Variants in FHIT observed in about 807,000 individuals in gnomAD.
FHIT encodes bis(5'-adenosyl)-triphosphatase.
Under a neutral mutation model 17.9 loss-of-function variants are expected in FHIT, and 19 were observed. That is an observed-to-expected ratio of 1.06 (90% CI 0.74 to 1.56). FHIT has a LOEUF of 1.56. FHIT is among the 40% of genes most tolerant of loss of function. The pLI is 0.00. For missense variants in FHIT, 248 were observed against 189.2 expected, an observed-to-expected ratio of 1.31 and a Z score of -1.82; for synonymous variants, 81 against 69.7, an observed-to-expected ratio of 1.16 and a Z score of -0.81.
intron 8 of FHIT, among the ~76,000 whole-genome samples, chr3:59,824,226 G>C (rs754164415): frequency 6.6e-6 from 1 of 152,182 alleles, no homozygotes; most frequent in Non-Finnish European, 1.5e-5. Flanking sequence ...AAGAAGGTTG[G>C]AGGAGGGGTA....
intron 4 of FHIT, among the ~76,000 whole-genome samples, chr3:60,691,026 T>C (rs1553699473): frequency 6.6e-6 from 1 of 152,234 alleles, no homozygotes; most frequent in African/African-American, 2.4e-5. Context: ...GGATTTTTTT[T>C]ACTTTATTCT....
intron 4 of FHIT, among the ~76,000 whole-genome samples, chr3:60,812,722 G>A (rs562960523): frequency 6.6e-6 from 1 of 152,200 alleles, no homozygotes; most frequent in South Asian, 2.1e-4. Context: ...AAATAGCACT[G>A]TAGTTCCTCA....
intron 4 of FHIT, among the ~76,000 whole-genome samples, chr3:60,808,125 G>T (rs1363846651): frequency 1.3e-5 from 2 of 152,204 alleles, no homozygotes; most frequent in Non-Finnish European, 2.9e-5. Flanking sequence ...GTAATTTTCT[G>T]AGCCAGAGTT....
At chr3:60,805,093 T>C (rs566870209) in intron 4 of FHIT, among the ~76,000 whole-genome samples, 14 of 152,360 alleles carry the variant, frequency 9.2e-5, no homozygotes, top group African/African-American at 2.9e-4. Flanking sequence ...ATACTATGGT[T>C]ATGCTGGGCA....
intron 8 of FHIT, among the ~76,000 whole-genome samples, chr3:59,813,366 A>C (rs542326863): frequency 6.6e-6 from 1 of 152,220 alleles, no homozygotes; most frequent in Non-Finnish European, 1.5e-5. Flanking sequence ...GGCTCTCGAT[A>C]AGGTTCGCCT....
intron 4 of FHIT, among the ~76,000 whole-genome samples, chr3:60,815,179 T>C (rs967873940): frequency 6.6e-6 from 1 of 152,074 alleles, no homozygotes; most frequent in African/African-American, 2.4e-5. Context: ...ATATTTTCTG[T>C]CATCCTGTAG....
intron 5 of FHIT, among the ~76,000 whole-genome samples, chr3:60,422,247 T>A (rs1051195666): frequency 6.6e-6 from 1 of 152,102 alleles, no homozygotes; most frequent in African/African-American, 2.4e-5. Context: ...TTCCAAAGAT[T>A]TGCACACAGA....
At chr3:60,569,755 A>ATACATATATATATATATATATTTT in intron 4 of FHIT, among the ~76,000 whole-genome samples, 1 of 77,344 alleles carries the variant, frequency 1.3e-5, no homozygotes, top group Non-Finnish European at 2.3e-5. Flanking sequence ...ATATATATAT[A>ATACATATATATATATATATATTTT]TTTTTTTTTT....
chr3:59,878,839 AAC>A (rs1168802130), intron 8 of FHIT, among the ~76,000 whole-genome samples: 1 of 152,170 alleles, frequency 6.6e-6, no homozygotes. Flanking sequence ...GAAACACCCA[AAC>A]CCCATCCCCA....
At chr3:60,518,337 T>G (rs1339052504) in intron 5 of FHIT, among the ~76,000 whole-genome samples, 1 of 152,208 alleles carries the variant, frequency 6.6e-6, no homozygotes, top group African/African-American at 2.4e-5. Flanking sequence ...CCTTCATAGG[T>G]AACTTATTGA....
In FHIT at chr3:59,987,863, A is replaced by AGTAT. The variant is rs1575827311; in HGVS notation, c.279+23507_279+23508insATAC. ...TACTAGAGATGTCTGCCCCATCTAA[A>AGTAT]GTCTTATTTTTCTATTTCCTATATC... On this transcript the variant is annotated intron_variant, in intron 7 of 9. Coordinates refer to ENST00000492590, the MANE Select transcript of FHIT (RefSeq NM_002012.4). Among the ~76,000 whole-genome samples, 3 of 152,184 alleles carry AGTAT rather than the reference A, an allele frequency of 2.0e-5. No individual in the cohort carries two copies. The East Asian group carries it at 5.8e-4, about 29-fold the overall frequency.
chr3:60,705,233 T>C (rs543865146), intron 4 of FHIT, among the ~76,000 whole-genome samples: 1 of 152,038 alleles, frequency 6.6e-6, no homozygotes, highest in Admixed American at 6.6e-5. Context: ...AAATCCATAA[T>C]GGAAGCAGGA....
chr3:59,867,231 A>G (rs1395412636), intron 8 of FHIT, among the ~76,000 whole-genome samples: 1 of 150,438 alleles, frequency 6.6e-6, no homozygotes, highest in Non-Finnish European at 1.5e-5. Context: ...AAGATCACCG[A>G]CATTCTCTTT....
At chr3:60,831,515 T>G (rs553633546) in intron 3 of FHIT, among the ~76,000 whole-genome samples, 14 of 152,134 alleles carry the variant, frequency 9.2e-5, no homozygotes, top group South Asian at 8.3e-4. Flanking sequence ...ACCAATTAGA[T>G]AGCAAAATGG....
intron 3 of FHIT, among the ~76,000 whole-genome samples, chr3:60,919,294 C>T (rs1262275456): frequency 1.3e-5 from 2 of 152,062 alleles, no homozygotes; most frequent in Non-Finnish European, 2.9e-5. Flanking sequence ...TGGCAATCTT[C>T]AATTCCATTA....
At chr3:59,982,486 A>C (rs113901055) in intron 7 of FHIT, among the ~76,000 whole-genome samples, 56 of 152,318 alleles carry the variant, frequency 3.7e-4, no homozygotes, top group African/African-American at 1.3e-3. Context: ...CCTAAAGTGA[A>C]GTATATTATC....
At chr3:60,066,063 A>ACATG (rs372953462) in intron 5 of FHIT, among the ~76,000 whole-genome samples, 48 of 152,298 alleles carry the variant, frequency 3.2e-4, no homozygotes, top group Admixed American at 1.1e-3. Context: ...GGTTTCTGTT[A>ACATG]CATGCAGCTG....
chr3:60,000,700 A>T (rs187987149), intron 7 of FHIT, among the ~76,000 whole-genome samples: 195 of 151,902 alleles, frequency 1.3e-3, no homozygotes, highest in African/African-American at 4.5e-3. Flanking sequence ...AAAAAAAACA[A>T]TTTAGGAAAC....
intron 4 of FHIT, chr3:60,732,501 A>C: frequency 1.5e-6 from 1 of 674,666 alleles, no homozygotes. Flanking sequence ...TCACACCCAA[A>C]TCCTTTCTTT....
Sources: gnomAD v4.1 joint callset for allele counts (sites outside exome capture counted in the v4.1 genomes callset) on GRCh38, gnomAD v4.1.1 for gene constraint, MANE v1.5 for transcripts, NCBI Gene and HGNC (gene_info 2026-07-23, HGNC 2026-07-21) for gene names.